The following PCED1B variants were observed in gnomAD, a reference collection of about 807,000 sequenced individuals.
PCED1B encodes the protein PC-esterase domain containing 1B.
For synonymous variants in PCED1B, 251 were observed against 246.1 expected (o/e 1.02, Z -0.19); for missense variants, 573 against 573.9 (o/e 1.00, Z 0.02).
chr12:47,133,940 G>C (rs184022079), intron 2 of PCED1B, among the ~76,000 whole-genome samples: 2 of 152,170 alleles, frequency 1.3e-5, no homozygotes, highest in African/African-American at 4.8e-5. Context: ...GTGAGGATAC[G>C]AGAAGATGGC....
chr12:47,087,822 A>G (rs1248139356), intron 1 of PCED1B, among the ~76,000 whole-genome samples: 1 of 152,234 alleles, frequency 6.6e-6, no homozygotes. Flanking sequence ...AATTAAGAGT[A>G]CTAACATGAA....
At chr12:47,096,402 T>C (rs749492912) in intron 1 of PCED1B, among the ~76,000 whole-genome samples, 1 of 150,946 alleles carries the variant, frequency 6.6e-6, no homozygotes, top group African/African-American at 2.4e-5. Context: ...ATTATTTATC[T>C]TCTTTATATA....
At chr12:47,193,269 G>A (rs1031527917) in intron 2 of PCED1B, among the ~76,000 whole-genome samples, 2 of 152,194 alleles carry the variant, frequency 1.3e-5, no homozygotes, top group African/African-American at 4.8e-5. Context: ...TACAAAGTGA[G>A]ACCGGATTTT....
intron 2 of PCED1B, among the ~76,000 whole-genome samples, chr12:47,111,197 G>C (rs1014579323): frequency 2.6e-5 from 4 of 152,058 alleles, no homozygotes; most frequent in African/African-American, 9.7e-5. Flanking sequence ...AAGCCACAAG[G>C]ACATAAAGAT....
At chr12:47,160,603 C>T (rs1020384447) in intron 2 of PCED1B, among the ~76,000 whole-genome samples, 2 of 152,080 alleles carry the variant, frequency 1.3e-5, no homozygotes, top group African/African-American at 2.4e-5. Context: ...GTATGAGCCA[C>T]AATACCCAGC....
intron 2 of PCED1B, among the ~76,000 whole-genome samples, chr12:47,121,512 T>C (rs1337732538): frequency 1.3e-5 from 2 of 152,206 alleles, no homozygotes; most frequent in Non-Finnish European, 1.5e-5. Flanking sequence ...CCTTTGCCAT[T>C]TTTCTCCAAT....
At chr12:47,174,415 A>AAAAACAAAC (rs1298408816) in intron 2 of PCED1B, among the ~76,000 whole-genome samples, 2 of 151,348 alleles carry the variant, frequency 1.3e-5, no homozygotes, top group African/African-American at 4.9e-5. Flanking sequence ...TCCAAAAAAA[A>AAAAACAAAC]AAAACAAACA....
intron 2 of PCED1B, among the ~76,000 whole-genome samples, chr12:47,202,824 T>C (rs1428991569): frequency 6.6e-6 from 1 of 152,024 alleles, no homozygotes; most frequent in Non-Finnish European, 1.5e-5. Flanking sequence ...GTGGCCACTG[T>C]GCTCTTAAAT....
At chr12:47,196,021 G>A (rs1312561057) in intron 2 of PCED1B, among the ~76,000 whole-genome samples, 3 of 152,094 alleles carry the variant, frequency 2.0e-5, no homozygotes, top group Non-Finnish European at 4.4e-5. Context: ...CCAAAGATTA[G>A]TCAAACTAGG....
At chr12:47,152,414 G>A (rs773156342) in intron 2 of PCED1B, among the ~76,000 whole-genome samples, 86 of 152,112 alleles carry the variant, frequency 5.7e-4, no homozygotes, top group Non-Finnish European at 2.6e-4. Flanking sequence ...GTTGAATCAC[G>A]AGAAAACATC....
chr12:47,163,117 G>A (rs1290646179), intron 2 of PCED1B, among the ~76,000 whole-genome samples: 2 of 152,088 alleles, frequency 1.3e-5, no homozygotes, highest in East Asian at 1.9e-4. Context: ...GCAATGTTTT[G>A]TAGTTTTCAA....
At chr12:47,210,314 T>C (rs943649080) in intron 2 of PCED1B, 1 of 152,198 alleles carries the variant, frequency 6.6e-6, no homozygotes, top group African/African-American at 2.4e-5. Flanking sequence ...TACCAAAATA[T>C]AAAGTGGCTG....
rs1942953681 is a variant in PCED1B at position 47,207,705 on chromosome 12, A to G, written c.-525-8517A>G. On this transcript the variant is annotated intron_variant, in intron 2 of 3. Transcript: ENST00000546455. The stretch of plus-strand genomic sequence containing the variant: ...GTATGCATTCCTCTTCATCAGACAC[A>G]ATCACAACTTAAAGAACTTGCATCA... 2.0e-5 allele frequency among the ~76,000 whole-genome samples: 3 copies of G among 152,220 alleles called. No individual in the cohort carries two copies. In the South Asian group the frequency reaches 6.2e-4, roughly 31 times the overall value.
At chr12:47,174,527 G>A (rs1348886391) in intron 2 of PCED1B, among the ~76,000 whole-genome samples, 1 of 152,218 alleles carries the variant, frequency 6.6e-6, no homozygotes, top group South Asian at 2.1e-4. Flanking sequence ...GTACCATCAA[G>A]ACTTCTGCTT....
At chr12:47,088,827 A>G (rs1341946268) in intron 1 of PCED1B, among the ~76,000 whole-genome samples, 14 of 152,188 alleles carry the variant, frequency 9.2e-5, no homozygotes. Context: ...ACGATTGTTC[A>G]TATTTATCTC....
intron 2 of PCED1B, among the ~76,000 whole-genome samples, chr12:47,137,559 T>C (rs1373942383): frequency 2.6e-5 from 4 of 151,808 alleles, no homozygotes; most frequent in Non-Finnish European, 5.9e-5. Flanking sequence ...CAAAACCCCA[T>C]CTCTACGACA....
At chr12:47,080,003 G>A (rs1592114903) in intron 1 of PCED1B, 1 of 152,074 alleles carries the variant, frequency 6.6e-6, no homozygotes, top group East Asian at 2.0e-4. Flanking sequence ...GCGCGATGCG[G>A]AGGGGGCGGC....
At chr12:47,187,031 A>G (rs1217608145) in intron 2 of PCED1B, among the ~76,000 whole-genome samples, 1 of 152,176 alleles carries the variant, frequency 6.6e-6, no homozygotes, top group East Asian at 1.9e-4. Flanking sequence ...GAACACACTG[A>G]AAGAAGGGAA....
intron 1 of PCED1B, among the ~76,000 whole-genome samples, chr12:47,081,415 AT>A (rs1398242693): frequency 1.3e-5 from 2 of 152,220 alleles, no homozygotes; most frequent in African/African-American, 4.8e-5. Context: ...CCAACACCTA[AT>A]TTAAATAGAA....
Sources: gnomAD v4.1 joint callset for allele counts (sites outside exome capture counted in the v4.1 genomes callset) on GRCh38, gnomAD v4.1.1 for gene constraint, MANE v1.5 for transcripts, NCBI Gene and HGNC (gene_info 2026-07-23, HGNC 2026-07-21) for gene names.